The following PRDX3 variants were observed in gnomAD, a reference collection of about 807,000 sequenced individuals.
PRDX3 encodes the protein peroxiredoxin 3, also known as thioredoxin-dependent peroxide reductase, mitochondrial.
In PRDX3, 20 loss-of-function variants were observed where a neutral mutation model predicts 30.4. The ratio of observed to expected loss-of-function variants is 0.66; its 90% CI spans 0.46 to 0.96. PRDX3 has a LOEUF of 0.96. Ranked by LOEUF, PRDX3 falls within the 40% of genes least tolerant of loss-of-function variation. The pLI is 0.00. For missense variants in PRDX3, 322 were observed against 318.3 expected (o/e 1.01, Z -0.09); for synonymous variants, 124 against 117.8 (o/e 1.05, Z -0.34).
At position 119,178,116 on chromosome 10, in the gene PRDX3, G is replaced by C. The variant is rs184905229; in HGVS notation, c.36+639C>G. ...GGGCTCAAGTGATCTGCCCGCCTCG[G>C]CCTCCCAAAGTGCTAGGATTACAGG... On this transcript the variant is annotated intron_variant, in intron 1 of 6. Transcript: ENST00000298510. 7.6e-3 allele frequency among the ~76,000 whole-genome samples: 1,161 copies of C among 152,032 alleles called. 8 individuals are homozygous for C. The highest frequency in any genetic ancestry group is 0.051 in the Middle Eastern group (15 of 294).
At chr10:119,174,638 C>A in intron 2 of PRDX3, 46 bp from the exon 3 acceptor site, 1 of 1,510,528 alleles carries the variant, frequency 6.6e-7, no homozygotes, top group Non-Finnish European at 8.9e-7. Flanking sequence ...TTTGCTATGT[C>A]AAGCACCTAT....
At chr10:119,176,759 G>C (rs1485455022) in intron 2 of PRDX3, among the ~76,000 whole-genome samples, 1 of 152,204 alleles carries the variant, frequency 6.6e-6, no homozygotes, top group Non-Finnish European at 1.5e-5. Context: ...CAGTGGATTA[G>C]AAACTCTGAC....
chr10:119,168,227 C>G lies in PRDX3; in HGVS notation c.*253G>C. ...ATCTAAGAATAGCCTTCTATAGAGG[C>G]AAATTATGTTCTGTAGAAACTAGCT... On this transcript the variant is annotated 3_prime_UTR_variant, in exon 7 of 7. Transcript: ENST00000298510. 1 of 578,962 alleles carries G rather than the reference C, an allele frequency of 1.7e-6. No individual in the cohort carries two copies. Among genetic ancestry groups the G allele is most frequent in the South Asian group, 2.4e-5 (1 of 41,398 alleles). 35.9% of individuals were successfully genotyped at this position (578,962 alleles called of 1,614,324 possible).
chr10:119,170,652 T>C (rs1418475470), intron 5 of PRDX3: 2 of 151,774 alleles, frequency 1.3e-5, no homozygotes, highest in African/African-American at 4.8e-5. Flanking sequence ...CCCAGCACTT[T>C]TGAGAGGCCG....
intron 6 of PRDX3, 69 bp from the exon 7 acceptor site, chr10:119,168,602 A>T (rs1847822947): frequency 6.3e-7 from 1 of 1,578,860 alleles, no homozygotes; most frequent in Non-Finnish European, 8.6e-7. Flanking sequence ...AGTGAGTGGC[A>T]ATCTCCCAAT....
intron 1 of PRDX3, among the ~76,000 whole-genome samples, chr10:119,177,430 C>G (rs914539656): frequency 9.9e-5 from 15 of 152,114 alleles, no homozygotes; most frequent in Admixed American, 2.0e-4. Flanking sequence ...GAGGCCAAGA[C>G]GGGTTGATCA....
At chr10:119,168,862 ACT>A (rs1490780368) in intron 6 of PRDX3, among the ~76,000 whole-genome samples, 2 of 151,422 alleles carry the variant, frequency 1.3e-5, no homozygotes, top group African/African-American at 4.9e-5. Context: ...AGTCCCAGCT[ACT>A]CAGGAGGCTG....
intron 6 of PRDX3, 133 bp downstream of exon 6, chr10:119,169,044 A>G: frequency 1.1e-6 from 1 of 872,148 alleles, no homozygotes; most frequent in Non-Finnish European, 1.8e-6. Context: ...TCTACCCCAC[A>G]GCAGCTTCAC....
intron 1 of PRDX3, among the ~76,000 whole-genome samples, 171 bp from the exon 2 acceptor site, chr10:119,177,324 T>G (rs750994099): frequency 1.2e-4 from 19 of 152,180 alleles, no homozygotes; most frequent in Non-Finnish European, 2.1e-4. Flanking sequence ...TCCCTTCTGC[T>G]TCCTTCTCCT....
chr10:119,175,286 G>A (rs1423328058), intron 2 of PRDX3, among the ~76,000 whole-genome samples: 1 of 152,248 alleles, frequency 6.6e-6, no homozygotes, highest in African/African-American at 2.4e-5. Flanking sequence ...AGTCTAATGA[G>A]AACAGAGAGT....
Position 119,172,490 on chromosome 10 carries a change from T to C in PRDX3, c.448-5A>G. 1 of 1,608,780 alleles carries C rather than the reference T, an allele frequency of 6.2e-7. No homozygotes were observed. The highest frequency in any genetic ancestry group is 1.1e-5 in the South Asian group (1 of 90,988). ...CATGTGGCCCAAACCACCATTCTAA[T>C]CAAAATGCAAACATGACTGTTAGAA... On this transcript the variant is annotated splice_polypyrimidine_tract_variant and splice_region_variant and intron_variant, in intron 4 of 6. Coordinates refer to ENST00000298510, the MANE Select transcript of PRDX3 (RefSeq NM_006793.5).
At chr10:119,170,963 A>C (rs1385762639) in intron 5 of PRDX3, 3 of 152,228 alleles carry the variant, frequency 2.0e-5, no homozygotes, top group Non-Finnish European at 4.4e-5. Context: ...CTCAGCGCTA[A>C]AACCCAAGGT....
In PRDX3 at chr10:119,173,726, C is replaced by T; in HGVS notation, c.447+11G>A. 1 of 1,610,328 alleles carries T rather than the reference C, an allele frequency of 6.2e-7. No individual in the cohort carries two copies. Among genetic ancestry groups the T allele is most frequent in the Non-Finnish European group, 8.5e-7 (1 of 1,179,338 alleles). ...TTTATAAGAGCAAAAGCTAGGGGTACAATGCCATACCTTTCTTGGTGTATT... is the reference window on the plus strand; with the variant it reads ...TTTATAAGAGCAAAAGCTAGGGGTATAATGCCATACCTTTCTTGGTGTATT... On this transcript the variant is annotated intron_variant, in intron 4 of 6. Coordinates refer to ENST00000298510, the MANE Select transcript of PRDX3 (RefSeq NM_006793.5).
In PRDX3 at chr10:119,168,446, C is replaced by T. The variant is rs1233044467; in HGVS notation, c.*34G>A. On this transcript the variant is annotated 3_prime_UTR_variant, in exon 7 of 7. Coordinates refer to ENST00000298510, the MANE Select transcript of PRDX3 (RefSeq NM_006793.5). The stretch of plus-strand genomic sequence containing the variant: ...AGCAGGTTTCAACTGTGGTTCTTCT[C>T]TCAGTTGAGAAGGTGCAGATACACA... 1 of 1,610,440 alleles carries T rather than the reference C, an allele frequency of 6.2e-7. No individual in the cohort carries two copies. The highest frequency in any genetic ancestry group is 8.5e-7 in the Non-Finnish European group (1 of 1,179,380).
intron 2 of PRDX3, 70 bp from the exon 3 acceptor site, chr10:119,174,662 C>G: frequency 7.1e-7 from 1 of 1,406,940 alleles, no homozygotes; most frequent in Non-Finnish European, 9.5e-7. Context: ...TTTATTTAAA[C>G]TTCTCATAAT....
chr10:119,171,988 C>G (rs758892781), intron 5 of PRDX3, among the ~76,000 whole-genome samples: 1 of 152,160 alleles, frequency 6.6e-6, no homozygotes, highest in South Asian at 2.1e-4. Context: ...GGCCTCAAGA[C>G]GCAGCCAGCC....
chr10:119,172,825 A>T (rs1847940302), intron 4 of PRDX3, among the ~76,000 whole-genome samples: 1 of 152,110 alleles, frequency 6.6e-6, no homozygotes, highest in South Asian at 2.1e-4. Context: ...GAATGCAGTG[A>T]TGCAATCACA....
At position 119,174,577 on chromosome 10, in the gene PRDX3, G is replaced by A. The variant is rs780489662; in HGVS notation, c.185C>T (p.Ala62Val). Residue 62 changes from alanine to valine, a missense_variant, in exon 3 of 7, where the codon GCA (alanine) becomes GTA (valine). Physicochemically the swap from Ala to Val is moderately conservative, Grantham distance 64. Transcript: ENST00000298510. ...GGGTGCATGCTGGGTGACAGCAGGT[G>A]CATGGCATGAGGAACCTGAAAAAAA... is the stretch of plus-strand genomic sequence containing the variant. ...KLFSTSSSCH[A>V]PAVTQHAPYF... The A allele has an allele frequency of 6.3e-6, 10 of 1,595,036 alleles. No individual in the cohort carries two copies. The highest frequency in any genetic ancestry group is 1.4e-5 in the African/African-American group (1 of 73,802).
Position 119,169,344 on chromosome 10 carries a change from T to C in PRDX3, c.552-2A>G. 6.2e-7 allele frequency: 1 copy of C among 1,613,066 alleles called. No individual in the cohort carries two copies. Among genetic ancestry groups the C allele is most frequent in the Non-Finnish European group, 8.5e-7 (1 of 1,179,350 alleles). On this transcript the variant is annotated splice_acceptor_variant, in intron 5 of 6. Transcript: ENST00000298510. LOFTEE classifies it high-confidence loss of function. ...TTGGGGTCAATTATGAAGAGACCTC[T>C]GCATGATCATTTATCCTCATCAGTG...
Sources: gnomAD v4.1 joint callset for allele counts (sites outside exome capture counted in the v4.1 genomes callset) on GRCh38, gnomAD v4.1.1 for gene constraint, MANE v1.5 for transcripts, NCBI Gene and HGNC (gene_info 2026-07-23, HGNC 2026-07-21) for gene names.